TUBB6: variants seen among roughly 807,000 people sequenced by gnomAD.
The protein encoded by TUBB6 is tubulin beta 6 class V.
In TUBB6, 18 loss-of-function variants were observed where a neutral mutation model predicts 32.3. The ratio of observed to expected loss-of-function variants is 0.56; its 90% CI spans 0.39 to 0.83. The LOEUF (loss-of-function observed/expected upper bound fraction) is 0.83, where lower values mean the gene tolerates loss of function less well. TUBB6 is among the 40% of genes least tolerant of loss of function. The pLI is 0.00. For missense variants in TUBB6, 480 were observed against 632.0 expected, an observed-to-expected ratio of 0.76 and a Z score of 2.58; for synonymous variants, 280 against 265.8, an observed-to-expected ratio of 1.05 and a Z score of -0.52.
In TUBB6 at chr18:12,308,682, C is replaced by A; in HGVS notation, c.58-5C>A. On this transcript the variant is annotated splice_polypyrimidine_tract_variant and splice_region_variant and intron_variant, in intron 1 of 3. Coordinates refer to ENST00000317702, the MANE Select transcript of TUBB6 (RefSeq NM_032525.3). The stretch of plus-strand genomic sequence containing the variant: ...CGTCTGTCCCCCCGCCTTGCCCTGC[C>A]CAAGTTTTGGGAAGTGATCAGCGAT... The A allele has an allele frequency of 6.2e-7, 1 of 1,602,044 alleles. No homozygotes were observed. The highest frequency in any genetic ancestry group is 8.5e-7 in the Non-Finnish European group (1 of 1,169,704).
At chr18:12,329,203 A>G (rs1283457005), downstream of TUBB6, 12 of 702,822 alleles carry the variant, frequency 1.7e-5, no homozygotes, top group Non-Finnish European at 2.9e-5. Flanking sequence ...GACAAAGAGA[A>G]AGCATCCCTT....
intron 2 of TUBB6, among the ~76,000 whole-genome samples, chr18:12,310,174 T>C (rs1568118564): frequency 6.6e-6 from 1 of 152,110 alleles, no homozygotes; most frequent in Non-Finnish European, 1.5e-5. Context: ...TTCTAGGATT[T>C]TTTTTCTTTC....
rs768533336 is a variant in TUBB6 at position 12,308,813 on chromosome 18, C to G, written c.166+18C>G. On this transcript the variant is annotated intron_variant, in intron 2 of 3. Coordinates refer to ENST00000317702, the MANE Select transcript of TUBB6 (RefSeq NM_032525.3). ...GTCATCGTGTGAGTAGCAAGGCCGC[C>G]GCGCCCTGCCCGGCCGGGACCCGCG... 6.0e-6 allele frequency: 9 copies of G among 1,509,282 alleles called. No individual in the cohort carries two copies. The highest frequency in any genetic ancestry group is 1.4e-5 in the African/African-American group (1 of 72,868). 93.5% of individuals were successfully genotyped at this position (1,509,282 alleles called of 1,614,324 possible). A position where few individuals can be genotyped will look rare whatever the true frequency, so the allele number is the denominator to read the frequency against.
At chr18:12,310,818 C>G (rs1415185714) in intron 2 of TUBB6, 125 bp from the exon 3 acceptor site, 2 of 600,656 alleles carry the variant, frequency 3.3e-6, no homozygotes, top group East Asian at 6.3e-5. Context: ...AGTTCCTGTA[C>G]CCTTTCTGAA....
rs186332148 is a variant in TUBB6, at chr18:12,312,190, A to G, written c.277+1137A>G. On this transcript the variant is annotated intron_variant, in intron 3 of 3. Transcript: ENST00000317702. ...GATGGAAAACTTCCCAACATTTCCT[A>G]TGAGGCTAGGTAGCTTCTACTAGAA... Among the ~76,000 whole-genome samples the G allele has an allele frequency of 1.5e-3, 226 of 152,368 alleles. 2 individuals carry two copies. Among genetic ancestry groups the G allele is most frequent in the Admixed American group, 3.7e-3 (56 of 15,302 alleles).
downstream of TUBB6, among the ~76,000 whole-genome samples, chr18:12,328,602 G>A (rs1001953769): frequency 2.0e-5 from 3 of 152,194 alleles, no homozygotes; most frequent in East Asian, 1.9e-4. Flanking sequence ...TCCAGGTGAC[G>A]GCTCAGGTCA....
At chr18:12,322,587 A>G (rs893879198) in intron 3 of TUBB6, among the ~76,000 whole-genome samples, 3 of 152,156 alleles carry the variant, frequency 2.0e-5, no homozygotes, top group Non-Finnish European at 4.4e-5. Flanking sequence ...CTTTTTGATA[A>G]TAGCTCACTA....
chr18:12,311,184 C>T (rs1906361474), intron 3 of TUBB6, 131 bp downstream of exon 3: 2 of 752,846 alleles, frequency 2.7e-6, no homozygotes, highest in Non-Finnish European at 4.3e-6. Flanking sequence ...CAGCCCCACC[C>T]CTCCCATCCC....
downstream of TUBB6, among the ~76,000 whole-genome samples, chr18:12,327,796 C>T (rs1476735929): frequency 2.6e-5 from 4 of 152,198 alleles, no homozygotes; most frequent in Non-Finnish European, 4.4e-5. Context: ...GTCACTCTTA[C>T]TGTATCAAGC....
At chr18:12,317,141 G>A (rs1195839350) in intron 3 of TUBB6, among the ~76,000 whole-genome samples, 1 of 148,826 alleles carries the variant, frequency 6.7e-6, no homozygotes, top group East Asian at 2.0e-4. Flanking sequence ...GGGTGATGGA[G>A]TGAGACCCTG....
intron 3 of TUBB6, among the ~76,000 whole-genome samples, chr18:12,311,464 G>A (rs1326488279): frequency 2.0e-5 from 3 of 152,130 alleles, no homozygotes; most frequent in Non-Finnish European, 4.4e-5. Flanking sequence ...GGGCATGGTG[G>A]CACGTGCCTG....
chr18:12,324,682 T>G (rs1030090475), intron 3 of TUBB6: 1 of 818,278 alleles, frequency 1.2e-6, no homozygotes, highest in African/African-American at 1.8e-5. Context: ...AACTCCTGAC[T>G]TCAAGTGATC....
At chr18:12,328,151 CG>C (rs1005420530), downstream of TUBB6, among the ~76,000 whole-genome samples, 1 of 152,188 alleles carries the variant, frequency 6.6e-6, no homozygotes, top group African/African-American at 2.4e-5. Context: ...CACGGCCTGC[CG>C]GGGACAGGTG....
At chr18:12,314,242 C>A (rs563514727) in intron 3 of TUBB6, among the ~76,000 whole-genome samples, 2 of 151,960 alleles carry the variant, frequency 1.3e-5, no homozygotes, top group African/African-American at 2.4e-5. Context: ...AGGACCCCCC[C>A]CAAGCATCTT....
chr18:12,327,091 A>G (rs1337369178), downstream of TUBB6, among the ~76,000 whole-genome samples: 3 of 152,196 alleles, frequency 2.0e-5, no homozygotes, highest in African/African-American at 7.2e-5. Context: ...CACTGTTGAC[A>G]ATATTTTTGC....
intron 3 of TUBB6, among the ~76,000 whole-genome samples, chr18:12,314,623 T>C (rs574984765): frequency 3.1e-4 from 47 of 152,252 alleles, no homozygotes; most frequent in Non-Finnish European, 5.7e-4. Context: ...TACAAGCATA[T>C]CTGTGAATTT....
rs34553814 is a variant in TUBB6 at position 12,310,965 on chromosome 18, C to T, written c.189C>T (p.Ala63=). 3.8e-4 allele frequency: 617 copies of T among 1,613,108 alleles called. 6 individuals carry two copies. In the African/African-American group the frequency reaches 6.9e-3, roughly 18 times the overall value. ...ESSSQKYVPR[A]ALVDLEPGTM... ...CAGCTCAGAAATATGTGCCCAGGGC[C>T]GCCCTGGTGGACTTAGAGCCAGGCA... The change falls in exon 3 of 4, where the codon GCC becomes GCT. Residue 63 remains alanine (A), a synonymous_variant. Coordinates refer to ENST00000317702, the MANE Select transcript of TUBB6 (RefSeq NM_032525.3).
intron 3 of TUBB6, among the ~76,000 whole-genome samples, chr18:12,316,968 G>A (rs943086123): frequency 6.6e-6 from 1 of 152,118 alleles, no homozygotes; most frequent in Non-Finnish European, 1.5e-5. Context: ...AGACCAGCCT[G>A]GCCAACATGG....
At chr18:12,310,207 C>T (rs180700538) in intron 2 of TUBB6, among the ~76,000 whole-genome samples, 328 of 151,840 alleles carry the variant, frequency 2.2e-3, no homozygotes, top group Non-Finnish European at 3.9e-3. Flanking sequence ...GACAGGGTTT[C>T]GGCCAGGCAC....
Sources: gnomAD v4.1 joint callset for allele counts (sites outside exome capture counted in the v4.1 genomes callset) on GRCh38, gnomAD v4.1.1 for gene constraint, MANE v1.5 for transcripts, NCBI Gene and HGNC (gene_info 2026-07-23, HGNC 2026-07-21) for gene names.